The following LOXL2 variants were observed in gnomAD, a reference collection of about 807,000 sequenced individuals.
LOXL2 encodes lysyl oxidase like 2.
Under a neutral mutation model 93.0 loss-of-function variants are expected in LOXL2, and 70 were observed. That is an observed-to-expected ratio of 0.75 (90% confidence interval 0.62 to 0.92). LOXL2 has a LOEUF of 0.92. LOXL2 is among the 40% of genes least tolerant of loss of function. The pLI is 0.00. For missense variants in LOXL2, 973 were observed against 1,054.9 expected, an observed-to-expected ratio of 0.92 and a Z score of 1.08; for synonymous variants, 438 against 413.2, an observed-to-expected ratio of 1.06 and a Z score of -0.73.
chr8:23,360,355 A>G (rs1804270067), intron 2 of LOXL2, 90 bp from the exon 3 acceptor site: 1 of 983,468 alleles, frequency 1.0e-6, no homozygotes, highest in East Asian at 2.7e-5. Flanking sequence ...TGGAAAGAGA[A>G]TTTTTCTCTA....
At chr8:23,304,745 A>C (rs1803201775) in intron 10 of LOXL2, among the ~76,000 whole-genome samples, 1 of 152,182 alleles carries the variant, frequency 6.6e-6, no homozygotes, top group South Asian at 2.1e-4. Flanking sequence ...TCACGGTGGC[A>C]GGATTTTTAT....
intron 3 of LOXL2, 30 bp from the exon 4 acceptor site, chr8:23,341,233 GTTACCCTACTGGCCTGGC>G (rs778191018): frequency 1.9e-6 from 3 of 1,566,734 alleles, no homozygotes; most frequent in Non-Finnish European, 2.6e-6. Context: ...GAAGGAGAGG[GTTACCCTACTGGCCTGGC>G]TGCAGAGACA....
chr8:23,396,774 G>A (rs1800095093), intron 1 of LOXL2, among the ~76,000 whole-genome samples: 1 of 152,198 alleles, frequency 6.6e-6, no homozygotes, highest in Non-Finnish European at 1.5e-5. Flanking sequence ...AGCCATGTTT[G>A]GGCATGAAAC....
At chr8:23,373,158 C>T (rs1038669380) in intron 1 of LOXL2, among the ~76,000 whole-genome samples, 1 of 152,180 alleles carries the variant, frequency 6.6e-6, no homozygotes. Context: ...TTGATTTATT[C>T]ATTCAACAAG....
chr8:23,400,017 G>T (rs781698251), intron 1 of LOXL2, among the ~76,000 whole-genome samples: 1 of 152,238 alleles, frequency 6.6e-6, no homozygotes, highest in African/African-American at 2.4e-5. Context: ...AGCAACAAGC[G>T]TAACAGCAGA....
At chr8:23,333,001 C>G (rs1255055258) in intron 5 of LOXL2, among the ~76,000 whole-genome samples, 1 of 151,724 alleles carries the variant, frequency 6.6e-6, no homozygotes, top group East Asian at 2.0e-4. Flanking sequence ...TTGGTGGAAG[C>G]TTTTTAAAAT....
chr8:23,315,108 G>A (rs952455517), intron 9 of LOXL2, among the ~76,000 whole-genome samples: 8 of 152,288 alleles, frequency 5.3e-5, no homozygotes, highest in Admixed American at 3.9e-4. Flanking sequence ...GCAGGGCCAC[G>A]TATCACTGTA....
intron 3 of LOXL2, among the ~76,000 whole-genome samples, chr8:23,359,185 C>T (rs1440891363): frequency 3.3e-5 from 5 of 152,106 alleles, no homozygotes; most frequent in Admixed American, 2.6e-4. Context: ...TTCCAACCCT[C>T]AGCTACATTG....
intron 12 of LOXL2, among the ~76,000 whole-genome samples, chr8:23,300,830 C>A (rs1049686132): frequency 2.0e-5 from 3 of 152,210 alleles, no homozygotes; most frequent in African/African-American, 4.8e-5. Flanking sequence ...GGGAGATACA[C>A]ACTCACCCAG....
chr8:23,403,635 C>T (rs1413689260), intron 1 of LOXL2, among the ~76,000 whole-genome samples: 1 of 152,142 alleles, frequency 6.6e-6, no homozygotes, highest in Non-Finnish European at 1.5e-5. Context: ...CAGCACACAC[C>T]GAGACTTGAC....
intron 3 of LOXL2, among the ~76,000 whole-genome samples, chr8:23,356,597 A>C (rs1804203444): frequency 6.6e-6 from 1 of 152,138 alleles, no homozygotes; most frequent in African/African-American, 2.4e-5. Context: ...TTCATGACCT[A>C]CTTTCAGCGG....
chr8:23,303,338 T>G lies in LOXL2; in HGVS notation c.1940A>C (p.Lys647Thr), dbSNP rs1563183951. 1 of 1,613,606 alleles carries G rather than the reference T, an allele frequency of 6.2e-7. No homozygotes were observed. The highest frequency in any genetic ancestry group is 8.5e-7 in the Non-Finnish European group (1 of 1,179,902). The change falls in exon 11 of 14, where the codon AAG becomes ACG. Residue 647 changes from lysine (K) to threonine (T), a missense_variant. By Grantham distance (78) the Lys-to-Thr change is moderately conservative (BLOSUM62 -1). Coordinates refer to ENST00000389131, the MANE Select transcript of LOXL2 (RefSeq NM_002318.3). ...GCTGGCCTTGTGGCCCTCTGCCACCTTGGTGCCATTGAGGTTCAGCAGGTC... is the reference window on the plus strand; with the variant it reads ...GCTGGCCTTGTGGCCCTCTGCCACCGTGGTGCCATTGAGGTTCAGCAGGTC... ...HYDLLNLNGT[K>T]VAEGHKASFC...
chr8:23,316,227 A>G (rs1180129768), intron 9 of LOXL2, among the ~76,000 whole-genome samples: 2 of 152,200 alleles, frequency 1.3e-5, no homozygotes, highest in African/African-American at 4.8e-5. Flanking sequence ...ATTTCTAAGG[A>G]AAACTACAAC....
chr8:23,358,149 T>C (rs1391182295), intron 3 of LOXL2, among the ~76,000 whole-genome samples: 1 of 152,222 alleles, frequency 6.6e-6, no homozygotes, highest in Non-Finnish European at 1.5e-5. Flanking sequence ...GATCATAAAC[T>C]TCATGGTAAA....
At position 23,312,145 on chromosome 8, in the gene LOXL2, T is replaced by A. The variant is rs529499614; in HGVS notation, c.1637-2234A>T. On this transcript the variant is annotated intron_variant, in intron 9 of 13. Coordinates refer to ENST00000389131, the MANE Select transcript of LOXL2 (RefSeq NM_002318.3). ...AGACCAATAACAGGATCTGAAATTG[T>A]GGCAATAATCAATAGCTTACCAACC... Among the ~76,000 whole-genome samples the A allele has an allele frequency of 5.5e-3, 831 of 152,156 alleles. 10 individuals are homozygous for A. The highest frequency in any genetic ancestry group is 0.019 in the African/African-American group (782 of 41,486).
intron 6 of LOXL2, among the ~76,000 whole-genome samples, chr8:23,327,565 G>GA (rs1424807769): frequency 5.3e-5 from 8 of 152,074 alleles, no homozygotes; most frequent in Non-Finnish European, 1.0e-4. Flanking sequence ...GGTCAAGGCT[G>GA]AAAAGATTCC....
chr8:23,360,874 G>T (rs1296948278), intron 2 of LOXL2, among the ~76,000 whole-genome samples: 1 of 152,094 alleles, frequency 6.6e-6, no homozygotes, highest in Non-Finnish European at 1.5e-5. Context: ...TCCTGCCACT[G>T]AAGGTTTGAG....
At chr8:23,332,159 C>T (rs1803692109) in intron 5 of LOXL2, among the ~76,000 whole-genome samples, 1 of 151,010 alleles carries the variant, frequency 6.6e-6, no homozygotes, top group Admixed American at 6.6e-5. Flanking sequence ...TACACTCACA[C>T]ACACACTCAC....
chr8:23,339,446 G>A lies in LOXL2; in HGVS notation c.743+1546C>T, dbSNP rs1803845535. Among the ~76,000 whole-genome samples the A allele has an allele frequency of 1.3e-5, 2 of 152,182 alleles. 1 individual carries two copies. Among genetic ancestry groups the A allele is most frequent in the South Asian group, 4.1e-4 (2 of 4,832 alleles). On this transcript the variant is annotated intron_variant, in intron 4 of 13. Coordinates refer to ENST00000389131, the MANE Select transcript of LOXL2 (RefSeq NM_002318.3). ...GGATGGGGGTTCCAATCCAGCACGTGACAGGATTACCCAGGGCCCAGCTGC... is the reference window on the plus strand; with the variant it reads ...GGATGGGGGTTCCAATCCAGCACGTAACAGGATTACCCAGGGCCCAGCTGC...
Sources: allele counts gnomAD v4.1 joint callset (sites outside exome capture counted in the v4.1 genomes callset), GRCh38; gene constraint gnomAD v4.1.1; transcripts MANE v1.5; gene names NCBI Gene and HGNC (gene_info 2026-07-23, HGNC 2026-07-21).